GRIK1: variants seen among roughly 807,000 people sequenced by gnomAD.
GRIK1 encodes the protein glutamate ionotropic receptor kainate type subunit 1.
GRIK1 carries 69 observed loss-of-function variants against 105.7 expected under a neutral mutation model. The observed-to-expected ratio is 0.65, with a 90% CI of 0.54 to 0.80. The LOEUF (loss-of-function observed/expected upper bound fraction) is 0.80. Ranked by LOEUF, GRIK1 falls within the 30% of genes least tolerant of loss-of-function variation. GRIK1 has a pLI of 0.00. For missense variants in GRIK1, 1,109 were observed against 1,167.3 expected, an observed-to-expected ratio of 0.95 and a Z score of 0.73; for synonymous variants, 438 against 431.3, an observed-to-expected ratio of 1.02 and a Z score of -0.19.
At chr21:29,794,361 A>G (rs1248180994) in intron 1 of GRIK1, among the ~76,000 whole-genome samples, 1 of 152,222 alleles carries the variant, frequency 6.6e-6, no homozygotes, top group African/African-American at 2.4e-5. Context: ...ACATCTCACT[A>G]AAATCCAGAT....
intron 1 of GRIK1, among the ~76,000 whole-genome samples, chr21:29,893,937 G>C (rs1388504870): frequency 6.6e-6 from 1 of 152,170 alleles, no homozygotes; most frequent in Non-Finnish European, 1.5e-5. Context: ...TGAAGCATTA[G>C]TGCGTGTGTG....
chr21:29,639,356 C>T (rs1410650312), intron 7 of GRIK1, among the ~76,000 whole-genome samples: 1 of 152,124 alleles, frequency 6.6e-6, no homozygotes, highest in Non-Finnish European at 1.5e-5. Context: ...GACGTGGAAA[C>T]AAACACAATA....
chr21:29,845,397 G>T (rs1021711339), intron 1 of GRIK1, among the ~76,000 whole-genome samples: 1 of 151,842 alleles, frequency 6.6e-6, no homozygotes, highest in Non-Finnish European at 1.5e-5. Context: ...ATTTTGTTTT[G>T]TGAGATATTT....
intron 5 of GRIK1, among the ~76,000 whole-genome samples, chr21:29,653,591 G>A (rs1568936757): frequency 1.3e-5 from 2 of 152,202 alleles, no homozygotes; most frequent in Non-Finnish European, 2.9e-5. Flanking sequence ...AGATGGCCAT[G>A]TCACCTTGAG....
chr21:29,701,100 T>C (rs747755504), intron 1 of GRIK1, among the ~76,000 whole-genome samples: 1 of 152,238 alleles, frequency 6.6e-6, no homozygotes, highest in Non-Finnish European at 1.5e-5. Flanking sequence ...ATGTCCATGA[T>C]TCTACTGAAT....
intron 1 of GRIK1, among the ~76,000 whole-genome samples, chr21:29,733,908 G>A (rs1057244401): frequency 5.3e-5 from 8 of 151,928 alleles, no homozygotes; most frequent in Non-Finnish European, 7.4e-5. Flanking sequence ...TAAGGCATAG[G>A]TAATAGTAAA....
At chr21:29,935,266 G>A (rs749381411) in intron 1 of GRIK1, among the ~76,000 whole-genome samples, 30 of 152,170 alleles carry the variant, frequency 2.0e-4, no homozygotes, top group Non-Finnish European at 3.5e-4. Context: ...ATGTGTCCAC[G>A]TGGAAAATCT....
intron 1 of GRIK1, among the ~76,000 whole-genome samples, chr21:29,765,246 G>A (rs552662183): frequency 6.6e-6 from 1 of 152,194 alleles, no homozygotes; most frequent in South Asian, 2.1e-4. Flanking sequence ...TGAGTGTGCA[G>A]CATTTTTGTC....
At chr21:29,715,740 C>T (rs1448532724) in intron 1 of GRIK1, among the ~76,000 whole-genome samples, 3 of 150,800 alleles carry the variant, frequency 2.0e-5, no homozygotes, top group African/African-American at 7.3e-5. Flanking sequence ...TGCTTCCCAA[C>T]ACACCCCTTT....
chr21:29,554,547 T>G (rs1260564783), intron 16 of GRIK1, among the ~76,000 whole-genome samples: 1 of 152,160 alleles, frequency 6.6e-6, no homozygotes, highest in Non-Finnish European at 1.5e-5. Flanking sequence ...AAAAAAAAAT[T>G]TGAGGTGATA....
At chr21:29,675,441 T>C (rs1388187359) in intron 3 of GRIK1, among the ~76,000 whole-genome samples, 3 of 152,186 alleles carry the variant, frequency 2.0e-5, no homozygotes, top group South Asian at 2.1e-4. Context: ...TGGGAAAACA[T>C]TTAAAAAGTG....
intron 1 of GRIK1, among the ~76,000 whole-genome samples, chr21:29,784,265 T>C (rs2066201436): frequency 6.6e-6 from 1 of 152,222 alleles, no homozygotes. Flanking sequence ...CTAGAATCAA[T>C]AACCTTGTAC....
At chr21:29,884,096 A>T (rs2069521963) in intron 1 of GRIK1, among the ~76,000 whole-genome samples, 1 of 152,030 alleles carries the variant, frequency 6.6e-6, no homozygotes, top group Admixed American at 6.6e-5. Context: ...CTACTGTTAA[A>T]TAATTTTTCT....
chr21:29,593,003 ACT>A (rs1163955693), intron 9 of GRIK1, among the ~76,000 whole-genome samples: 12 of 151,912 alleles, frequency 7.9e-5, no homozygotes, highest in African/African-American at 2.9e-4. Context: ...CTATTTCTTG[ACT>A]CTGATTTATT....
intron 1 of GRIK1, among the ~76,000 whole-genome samples, chr21:29,789,932 G>A (rs553481406): frequency 6.6e-6 from 1 of 152,220 alleles, no homozygotes; most frequent in Non-Finnish European, 1.5e-5. Context: ...CCCATAAGCT[G>A]TATTCAATGC....
chr21:29,778,754 G>A (rs777192640), intron 1 of GRIK1, among the ~76,000 whole-genome samples: 3 of 152,130 alleles, frequency 2.0e-5, no homozygotes, highest in Non-Finnish European at 4.4e-5. Flanking sequence ...GGGTGAATAA[G>A]TTATTCTGAA....
chr21:29,568,131 G>C (rs951591328), intron 14 of GRIK1, among the ~76,000 whole-genome samples: 4 of 152,124 alleles, frequency 2.6e-5, no homozygotes, highest in African/African-American at 9.7e-5. Context: ...CAATCTTCCA[G>C]CCTTTGAAAA....
chr21:29,710,820 CT>C, intron 1 of GRIK1, among the ~76,000 whole-genome samples: 1 of 116,522 alleles, frequency 8.6e-6, no homozygotes, highest in South Asian at 3.3e-4. Flanking sequence ...TCCTTCCTTC[CT>C]TCCTTCCTTC....
chr21:29,800,883 G>T (rs1043700289), intron 1 of GRIK1, among the ~76,000 whole-genome samples: 1 of 152,150 alleles, frequency 6.6e-6, no homozygotes. Context: ...AGTGCCTGAG[G>T]ACAGGGTGAG....
Sources: gnomAD v4.1 joint callset for allele counts (sites outside exome capture counted in the v4.1 genomes callset) on GRCh38, gnomAD v4.1.1 for gene constraint, MANE v1.5 for transcripts, NCBI Gene and HGNC (gene_info 2026-07-23, HGNC 2026-07-21) for gene names.